Variants in LRRC61 observed in about 807,000 individuals in gnomAD.
LRRC61 encodes the protein leucine rich repeat containing 61, also known as leucine-rich repeat-containing protein 61.
A neutral mutation model predicts 15.1 loss-of-function variants in LRRC61; 9 were observed. That is an observed-to-expected ratio of 0.60 (90% CI 0.36 to 1.04). LRRC61 has a LOEUF of 1.04. LRRC61 is among the 50% of genes least tolerant of loss of function. LRRC61 has a pLI of 0.01. For missense variants in LRRC61, 344 were observed against 335.6 expected (o/e 1.03, Z -0.20); for synonymous variants, 173 against 158.6 (o/e 1.09, Z -0.68).
chr7:150,337,220 G>A lies in LRRC61; in HGVS notation c.359G>A (p.Gly120Glu). 6.2e-7 allele frequency: 1 copy of A among 1,605,198 alleles called. No individual in the cohort carries two copies. Among genetic ancestry groups the A allele is most frequent in the Non-Finnish European group, 8.5e-7 (1 of 1,179,892 alleles). Reference sequence around the variant, plus strand: ...CCGGGCCAGCTGCAGTGTCTGGCTGGGCTACCGTGCCTGGAGTACCTGCGG... The same window carrying A: ...CCGGGCCAGCTGCAGTGTCTGGCTGAGCTACCGTGCCTGGAGTACCTGCGG... ...ATPGQLQCLA[G>E]LPCLEYLRLR... The change falls in exon 3 of 3, where the codon GGG becomes GAG. Residue 120 changes from glycine to glutamate, a missense_variant. Gly to Glu is a moderately conservative substitution (Grantham distance 98, BLOSUM62 -2). Coordinates refer to ENST00000359623, the MANE Select transcript of LRRC61 (RefSeq NM_001142928.2).
upstream of LRRC61, among the ~76,000 whole-genome samples, chr7:150,319,565 T>A (rs1050168933): frequency 6.6e-6 from 1 of 152,192 alleles, no homozygotes; most frequent in African/African-American, 2.4e-5. Flanking sequence ...TATGAAATGG[T>A]CCAGGAAGAG....
Position 150,337,113 on chromosome 7 carries a change from C to CTG in LRRC61, c.252_253insTG (p.Asn85Ter). The CTG allele has an allele frequency of 6.2e-7, 1 of 1,612,498 alleles. No individual in the cohort carries two copies. The highest frequency in any genetic ancestry group is 1.3e-5 in the African/African-American group (1 of 75,082). ...AGCTAGCTGTGCTCAATGTCTCCAACAATCGGCTGACGGGCCTGGAGCCAC... is the reference window on the plus strand; with the variant it reads ...AGCTAGCTGTGCTCAATGTCTCCAACTGAATCGGCTGACGGGCCTGGAGCCAC... On this transcript the variant is annotated frameshift_variant, in exon 3 of 3. Transcript: ENST00000359623. LOFTEE classifies it high-confidence loss of function.
chr7:150,328,342 G>C (rs1798007895), intron 2 of LRRC61, among the ~76,000 whole-genome samples: 1 of 152,146 alleles, frequency 6.6e-6, no homozygotes, highest in African/African-American at 2.4e-5. Flanking sequence ...CTGTAAAGAT[G>C]CTTTGGCCAT....
intron 2 of LRRC61, chr7:150,332,743 C>T (rs549572322): frequency 1.5e-4 from 25 of 166,884 alleles, no homozygotes; most frequent in Non-Finnish European, 3.4e-4. Context: ...GTATGATTTG[C>T]ATTAAAGTCT....
chr7:150,316,701 G>T, the LRRC61 span, among the ~76,000 whole-genome samples: 1 of 152,080 alleles, frequency 6.6e-6, no homozygotes, highest in Non-Finnish European at 1.5e-5. Context: ...GGCCAGGATG[G>T]TCTCTATCTC....
intron 2 of LRRC61, among the ~76,000 whole-genome samples, chr7:150,329,544 G>C (rs773249008): frequency 6.6e-6 from 1 of 152,194 alleles, no homozygotes; most frequent in Non-Finnish European, 1.5e-5. Context: ...CCAGCACCCT[G>C]TCCCAAGAGT....
Position 150,330,850 on chromosome 7 carries a change from A to G in LRRC61, c.-145+4840A>G. The G allele has an allele frequency of 1.2e-6, 2 of 1,607,960 alleles. No homozygotes were observed. Among genetic ancestry groups the G allele is most frequent in the African/African-American group, 1.3e-5 (1 of 74,778 alleles). ...GGGGTGGAGGGGAGAAGCCAGGGGG[A>G]GCCTCTGCAGAGCAGCAGCCACTCT... On this transcript the variant is annotated intron_variant, in intron 2 of 2. Transcript: ENST00000359623. This position sits in a 1 kb window ranked among gnomAD's most constrained non-coding sequence, Gnocchi z 4.6.
rs1011033940 is a variant in LRRC61 at position 150,338,088 on chromosome 7, C to A, written c.*447C>A. On this transcript the variant is annotated 3_prime_UTR_variant, in exon 3 of 3. Coordinates refer to ENST00000359623, the MANE Select transcript of LRRC61 (RefSeq NM_001142928.2). ...CTCCAGACTGCTCCTGCACTTACCCCCTCCCCGCAGCACCTTCTCTGCCCG... is the reference window on the plus strand; with the variant it reads ...CTCCAGACTGCTCCTGCACTTACCCACTCCCCGCAGCACCTTCTCTGCCCG... The A allele has an allele frequency of 6.0e-6, 3 of 501,698 alleles. No individual in the cohort carries two copies. Among genetic ancestry groups the A allele is most frequent in the African/African-American group, 2.0e-5 (1 of 49,662 alleles). The allele number at this position is 501,698 out of a possible 1,614,324, so 31.1% of individuals were successfully genotyped here.
At position 150,325,631 on chromosome 7, in the gene LRRC61, T is replaced by A. The variant is rs116494428; in HGVS notation, c.-314-210T>A. Among the ~76,000 whole-genome samples the A allele has an allele frequency of 4.4e-3, 672 of 152,270 alleles. 6 individuals carry two copies. The highest frequency in any genetic ancestry group is 0.014 in the African/African-American group (602 of 41,550). On this transcript the variant is annotated intron_variant, in intron 1 of 2. Coordinates refer to ENST00000359623, the MANE Select transcript of LRRC61 (RefSeq NM_001142928.2). Reference sequence around the variant, plus strand: ...ACAGGCACAGGCCATCACAGCTGGCTGATTTTTTTGTATTTTTTTTGTAAA... The same window carrying A: ...ACAGGCACAGGCCATCACAGCTGGCAGATTTTTTTGTATTTTTTTTGTAAA...
chr7:150,332,431 T>G (rs1432814347), intron 2 of LRRC61: 1 of 167,082 alleles, frequency 6.0e-6, no homozygotes, highest in Non-Finnish European at 1.5e-5. Flanking sequence ...GGGGACAGAC[T>G]CTGCTCTCAC....
the LRRC61 span, among the ~76,000 whole-genome samples, chr7:150,311,636 C>T: frequency 6.6e-6 from 1 of 152,222 alleles, no homozygotes; most frequent in Non-Finnish European, 1.5e-5. Flanking sequence ...CCCTAATACA[C>T]ATAGCATCTT....
chr7:150,310,486 C>A, the LRRC61 span, among the ~76,000 whole-genome samples: 1 of 152,080 alleles, frequency 6.6e-6, no homozygotes, highest in Non-Finnish European at 1.5e-5. Context: ...TAGTTCAAGA[C>A]CTTTGCCTCA....
At position 150,337,291 on chromosome 7, in the gene LRRC61, C is replaced by T. The variant is rs772666241; in HGVS notation, c.430C>T (p.Pro144Ser). ...ARLSNPLCAN[P>S]SYWAAVRELL... ...GCTCAGCAACCCGCTCTGTGCCAAC[C>T]CCTCCTACTGGGCTGCAGTCCGGGA... Residue 144 changes from proline (P) to serine (S), a missense_variant, in exon 3 of 3, where the codon CCC (proline) becomes TCC (serine). Transcript: ENST00000359623. 2 of 1,603,488 alleles carry T rather than the reference C, an allele frequency of 1.2e-6. No individual in the cohort carries two copies. The highest frequency in any genetic ancestry group is 1.7e-5 in the Admixed American group (1 of 60,024).
At chr7:150,320,945 T>C (rs1287376721), upstream of LRRC61, among the ~76,000 whole-genome samples, 1 of 152,174 alleles carries the variant, frequency 6.6e-6, no homozygotes, top group African/African-American at 2.4e-5. Context: ...CTCAAATCAT[T>C]GGTAGCTCAT....
chr7:150,331,135 A>G (rs773299752), intron 2 of LRRC61: 91 of 1,598,346 alleles, frequency 5.7e-5, no homozygotes, highest in Non-Finnish European at 7.6e-5. Context: ...TGCCTCCCTG[A>G]ACAGCCCCAC....
chr7:150,336,695 GCTGA>G lies in LRRC61; in HGVS notation c.-144-15_-144-12del, dbSNP rs753696875. On this transcript the variant is annotated intron_variant, in intron 2 of 2. Coordinates refer to ENST00000359623, the MANE Select transcript of LRRC61 (RefSeq NM_001142928.2). ...GCGTAAGACACAGAAAGTGCTGCCT[GCTGA>G]CTGACTGTCTCTCCTCAGGGACTGG... The G allele has an allele frequency of 1.4e-4, 116 of 855,006 alleles. 1 individual carries two copies. The highest frequency in any genetic ancestry group is 1.1e-3 in the Middle Eastern group (3 of 2,824). The allele number at this position is 855,006 out of a possible 1,614,324, so 53.0% of individuals were successfully genotyped here. A position where few individuals can be genotyped will look rare whatever the true frequency, so the allele number is the denominator to read the frequency against.
Position 150,337,025 on chromosome 7 carries a change from T to C in LRRC61, c.164T>C (p.Leu55Pro). Reference protein sequence around the residue: ...DLGCLGECLGLEWLDLSGNAL... With the variant: ...DLGCLGECLGPEWLDLSGNAL... The stretch of plus-strand genomic sequence containing the variant: ...GGCTGCCTGGGAGAGTGCCTGGGCC[T>C]GGAGTGGCTGGACCTATCAGGCAAC... Residue 55 changes from leucine to proline, a missense_variant, in exon 3 of 3, where the codon CTG becomes CCG. By Grantham distance (98) the Leu-to-Pro change is moderately conservative. Transcript: ENST00000359623. 1 of 1,613,704 alleles carries C rather than the reference T, an allele frequency of 6.2e-7. No individual in the cohort carries two copies. The highest frequency in any genetic ancestry group is 8.5e-7 in the Non-Finnish European group (1 of 1,180,016).
upstream of LRRC61, among the ~76,000 whole-genome samples, chr7:150,320,696 G>A (rs1563217283): frequency 6.6e-6 from 1 of 152,250 alleles, no homozygotes; most frequent in Non-Finnish European, 1.5e-5. Context: ...CCGGGAGGCA[G>A]AGGTTGCAGT....
Position 150,330,423 on chromosome 7 carries a change from A to T in LRRC61, c.-145+4413A>T. 1.3e-6 allele frequency: 1 copy of T among 772,936 alleles called. No homozygotes were observed. Among genetic ancestry groups the T allele is most frequent in the Non-Finnish European group, 2.4e-6 (1 of 418,060 alleles). The allele number at this position is 772,936 out of a possible 1,614,324, so 47.9% of individuals were successfully genotyped here. A position where few individuals can be genotyped will look rare whatever the true frequency, so the allele number is the denominator to read the frequency against. On this transcript the variant is annotated intron_variant, in intron 2 of 2. Coordinates refer to ENST00000359623, the MANE Select transcript of LRRC61 (RefSeq NM_001142928.2). The surrounding 1 kb of genome is among the most constrained non-coding windows in gnomAD (Gnocchi z 4.6). Reference sequence around the variant, plus strand: ...CTTCCAGATGGTGGTCCGCGAGGCGAGTGCGGCACAGGCCTCTCTGAGCCA... The same window carrying T: ...CTTCCAGATGGTGGTCCGCGAGGCGTGTGCGGCACAGGCCTCTCTGAGCCA...
Sources: gnomAD v4.1 joint callset for allele counts (sites outside exome capture counted in the v4.1 genomes callset) on GRCh38, gnomAD v4.1.1 for gene constraint, Gnocchi (gnomAD v3.1) non-coding constraint, MANE v1.5 for transcripts, NCBI Gene and HGNC (gene_info 2026-07-23, HGNC 2026-07-21) for gene names.